Variants in PCF11 observed in about 807,000 individuals in gnomAD.
PCF11 encodes PCF11 cleavage and polyadenylation factor subunit, also known as pre-mRNA cleavage complex 2 protein Pcf11.
PCF11 carries 19 observed loss-of-function variants against 166.1 expected under a neutral mutation model. That is an observed-to-expected ratio of 0.11 (90% CI 0.08 to 0.17). The LOEUF (loss-of-function observed/expected upper bound fraction) is 0.17. PCF11 is among the 10% of genes least tolerant of loss of function. The pLI, the probability that PCF11 is intolerant of heterozygous loss-of-function variation, is 1.00. For synonymous variants in PCF11, 663 were observed against 644.1 expected, an observed-to-expected ratio of 1.03 and a Z score of -0.44; for missense variants, 1,565 against 1,855.5, an observed-to-expected ratio of 0.84 and a Z score of 2.88.
chr11:83,168,948 G>C (rs556296274), exon 8 of PCF11: 1 of 1,613,726 alleles, frequency 6.2e-7, no homozygotes, highest in South Asian at 1.1e-5. Context: ...CAGGAGGCCA[G>C]CCTGTGGGTG....
chr11:83,164,149 TC>T, intron 3 of PCF11, 57 bp from the exon 4 acceptor site: 1 of 1,202,050 alleles, frequency 8.3e-7, no homozygotes, highest in Non-Finnish European at 1.2e-6. Flanking sequence ...TAATTTTTAC[TC>T]CCTAGCTTCC....
chr11:83,168,806 C>T, exon 8 of PCF11: 1 of 1,613,660 alleles, frequency 6.2e-7, no homozygotes. Context: ...TTTGAAGGTC[C>T]TCCAGGACCA....
At chr11:83,184,821 C>G in exon 16 of PCF11, 1 of 1,597,018 alleles carries the variant, frequency 6.3e-7, no homozygotes, top group Non-Finnish European at 8.5e-7. Flanking sequence ...GATACACCAC[C>G]AGCTTGTACA....
chr11:83,181,828 T>C lies in PCF11; in HGVS notation c.4168-26T>C, dbSNP rs377355787. 5.1e-5 allele frequency: 78 copies of C among 1,532,822 alleles called. No individual in the cohort carries two copies. The African/African-American group carries it at 8.8e-4, about 17-fold the overall frequency. The allele number at this position is 1,532,822 out of a possible 1,614,324, so 95.0% of individuals were successfully genotyped here. On this transcript the variant is annotated intron_variant, in intron 12 of 15. Coordinates refer to ENST00000298281, the Ensembl canonical transcript of PCF11. ...AAAAATTTAGAAATAAATGGAATAA[T>C]CTTTTAAAAATCAACTCCTTTTAAG...
intron 14 of PCF11, 72 bp downstream of exon 14, chr11:83,182,563 A>G (rs1185905551): frequency 4.0e-6 from 3 of 756,348 alleles, no homozygotes; most frequent in Non-Finnish European, 6.9e-6. Flanking sequence ...TTACTTTGAA[A>G]GGAGGCGGTT....
At chr11:83,182,001 G>T in exon 13 of PCF11, 1 of 1,606,826 alleles carries the variant, frequency 6.2e-7, no homozygotes, top group Non-Finnish European at 8.5e-7. Flanking sequence ...ACCAGCTGGA[G>T]CAGTTGAGGT....
At chr11:83,159,630 G>T (rs1303951411) in intron 1 of PCF11, among the ~76,000 whole-genome samples, 1 of 152,174 alleles carries the variant, frequency 6.6e-6, no homozygotes, top group Non-Finnish European at 1.5e-5. Flanking sequence ...GGTTATTTTT[G>T]TAAAGCCAGG....
rs1248598850 is a variant in PCF11 at position 83,157,398 on chromosome 11, C to T, written c.-42C>T. 10 of 1,579,932 alleles carry T rather than the reference C, an allele frequency of 6.3e-6. No homozygotes were observed. In the South Asian group the frequency reaches 1.1e-4, roughly 17 times the overall value. ...GGAGGCGGGGTATCCAGAGCGGCTT[C>T]AGCTTCAGCTGCAGCGGACCTCGGA... On this transcript the variant is annotated 5_prime_UTR_variant, in exon 1 of 16. Coordinates refer to ENST00000298281, the Ensembl canonical transcript of PCF11.
chr11:83,182,618 T>C lies in PCF11; in HGVS notation c.4416+127T>C, dbSNP rs1861122078. 6.6e-6 allele frequency: 4 copies of C among 609,608 alleles called. No individual in the cohort carries two copies. The Admixed American group carries it at 9.4e-5, about 14-fold the overall frequency. The allele number at this position is 609,608 out of a possible 1,614,324, so 37.8% of individuals were successfully genotyped here. A position where few individuals can be genotyped will look rare whatever the true frequency, so the allele number is the denominator to read the frequency against. ...TTTTTGGTCTTAATAAAAAGGGTATTGGACTTTAGTAATAGAATGTTTGAA... is the reference window on the plus strand; with the variant it reads ...TTTTTGGTCTTAATAAAAAGGGTATCGGACTTTAGTAATAGAATGTTTGAA... On this transcript the variant is annotated intron_variant, in intron 14 of 15. Transcript: ENST00000298281.
chr11:83,169,924 A>G, exon 8 of PCF11: 2 of 1,609,308 alleles, frequency 1.2e-6, no homozygotes, highest in Non-Finnish European at 1.7e-6. Flanking sequence ...AAATCTTCAG[A>G]GTTCTCAATT....
chr11:83,169,109 G>A lies in PCF11; in HGVS notation c.2774G>A (p.Gly925Glu), dbSNP rs552601574. The change falls in exon 8 of 16, where the codon GGG becomes GAG. Residue 925 changes from glycine to glutamate, a missense_variant. This residue lies in a region of PCF11 where 725 missense variants were observed against 749.3 expected (regional missense o/e 0.97). Coordinates refer to ENST00000298281, the Ensembl canonical transcript of PCF11. ...TTTGAGGGGGGTCATGGTCCATCAGGGGCTGCGATTAGGTTTGATGGACCT... is the reference window on the plus strand; with the variant it reads ...TTTGAGGGGGGTCATGGTCCATCAGAGGCTGCGATTAGGTTTGATGGACCT... 20 of 1,613,584 alleles carry A rather than the reference G, an allele frequency of 1.2e-5. No homozygotes were observed. In the South Asian group the frequency reaches 2.1e-4, roughly 17 times the overall value.
intron 7 of PCF11, among the ~76,000 whole-genome samples, chr11:83,168,162 TC>T (rs1860539717): frequency 1.3e-5 from 2 of 152,196 alleles, no homozygotes; most frequent in Non-Finnish European, 2.9e-5. Context: ...GTGTATATTC[TC>T]CCTATTTTAC....
chr11:83,186,395 A>G (rs1861292703), exon 16 of PCF11: 1 of 152,244 alleles, frequency 6.6e-6, no homozygotes, highest in Non-Finnish European at 1.5e-5. Flanking sequence ...TGAATAGATT[A>G]TGATGAGCCA....
At chr11:83,180,343 C>T (rs1478776248) in intron 11 of PCF11, 1 of 151,682 alleles carries the variant, frequency 6.6e-6, no homozygotes, top group Non-Finnish European at 1.5e-5. Context: ...ACCTTGGCCT[C>T]CCAAAGTGCT....
chr11:83,169,426 T>A lies in PCF11; in HGVS notation c.3091T>A (p.Phe1031Ile), dbSNP rs769114179. Residue 1031 changes from phenylalanine (F) to isoleucine (I), a missense_variant, in exon 8 of 16, where the codon TTT becomes ATT. By Grantham distance (21) the Phe-to-Ile change is conservative. This residue lies in a region of PCF11 where 725 missense variants were observed against 749.3 expected (regional missense o/e 0.97). Transcript: ENST00000298281. The stretch of plus-strand genomic sequence containing the variant: ...GCCTCTGGGTCAAGGTGGTCCAAGA[T>A]TTGAAGGTTGTCATGCTTTAAGGTT... 5.0e-6 allele frequency: 8 copies of A among 1,613,672 alleles called. No homozygotes were observed. In the South Asian group the frequency reaches 8.8e-5, roughly 18 times the overall value.
chr11:83,184,987 A>G (rs1406836352), exon 16 of PCF11: 4 of 766,020 alleles, frequency 5.2e-6, no homozygotes, highest in African/African-American at 3.7e-5. Context: ...AGACATATCT[A>G]TATAAATTGT....
exon 12 of PCF11, chr11:83,181,079 C>T: frequency 6.2e-7 from 1 of 1,605,140 alleles, no homozygotes; most frequent in South Asian, 1.1e-5. Context: ...AGGTTTACAA[C>T]ATCACAGACA....
rs751032068 is a variant in PCF11 at position 83,169,600 on chromosome 11, G to A, written c.3265G>A (p.Gly1089Ser). 50 of 1,613,712 alleles carry A rather than the reference G, an allele frequency of 3.1e-5. No individual in the cohort carries two copies. In the Middle Eastern group the frequency reaches 9.9e-4, roughly 32 times the overall value. The change falls in exon 8 of 16, where the codon GGT becomes AGT. Residue 1089 changes from glycine (G) to serine (S), a missense_variant. By Grantham distance (56) the Gly-to-Ser change is moderately conservative. Around this residue, in one of 12 missense-constraint regions of PCF11, gnomAD observed 725 missense variants for 749.3 expected, o/e 0.97. Coordinates refer to ENST00000298281, the Ensembl canonical transcript of PCF11. Reference sequence around the variant, plus strand: ...ACAGCAGGTTCAACCCAGATTTGACGGTGTACCTCAAAGATTTGATGGTCC... The same window carrying A: ...ACAGCAGGTTCAACCCAGATTTGACAGTGTACCTCAAAGATTTGATGGTCC...
chr11:83,161,456 C>T lies in PCF11; in HGVS notation c.318+4C>T. On this transcript the variant is annotated splice_donor_region_variant and intron_variant, in intron 2 of 15. Coordinates refer to ENST00000298281, the Ensembl canonical transcript of PCF11. ...ATTTATTTGTGTGTTTGAAAAGGTA[C>T]ATATGCATTTAGAAACATTTGCGTT... 6.4e-7 allele frequency: 1 copy of T among 1,551,216 alleles called. No homozygotes were observed. Among genetic ancestry groups the T allele is most frequent in the South Asian group, 1.2e-5 (1 of 81,806 alleles).
Sources: gnomAD v4.1 joint callset for allele counts (sites outside exome capture counted in the v4.1 genomes callset) on GRCh38, gnomAD v4.1.1 for gene constraint, gnomAD v4.1.1 regional missense constraint, MANE v1.5 for transcripts, NCBI Gene and HGNC (gene_info 2026-07-23, HGNC 2026-07-21) for gene names.